Variants in HHAT observed in about 807,000 individuals in gnomAD.
The protein encoded by HHAT is hedgehog acyltransferase.
HHAT carries 47 observed loss-of-function variants against 70.8 expected under a neutral mutation model. The observed-to-expected ratio is 0.66, with a 90% confidence interval of 0.53 to 0.85. The LOEUF is 0.85. Among genes scored for constraint, HHAT ranks in the 40% least tolerant of loss-of-function variants. The pLI, the probability that HHAT is intolerant of heterozygous loss-of-function variation, is 0.00. For missense variants in HHAT, 609 were observed against 604.8 expected (o/e 1.01, Z -0.07); for synonymous variants, 228 against 247.6 (o/e 0.92, Z 0.74).
At position 210,410,652 on chromosome 1, in the gene HHAT, G is replaced by C. The variant is rs556478639; in HGVS notation, c.684+5973G>C. ...AGCGATTCTCCTGCCTCAGCCTCCC[G>C]AGTAGCTGGGATTACAGGCACCTGC... On this transcript the variant is annotated intron_variant, in intron 6 of 11. Coordinates refer to ENST00000261458, the MANE Select transcript of HHAT (RefSeq NM_018194.6). 2.2e-4 allele frequency among the ~76,000 whole-genome samples: 33 copies of C among 150,486 alleles called. No individual in the cohort carries two copies. In the East Asian group the frequency reaches 6.2e-3, roughly 28 times the overall value.
At position 210,368,093 on chromosome 1, in the gene HHAT, G is replaced by A. The variant is rs577128460; in HGVS notation, c.159+5174G>A. 1.4e-4 allele frequency among the ~76,000 whole-genome samples: 21 copies of A among 152,144 alleles called. No individual in the cohort carries two copies. In the East Asian group the frequency reaches 3.9e-3, roughly 28 times the overall value. On this transcript the variant is annotated intron_variant, in intron 3 of 11. Transcript: ENST00000261458. ...ATTTCAGTGCCCACATTGCGTGCTC[G>A]ATGAAGTAAACATGTTTCTAGACAG...
intron 11 of HHAT, chr1:210,630,902 C>A: frequency 5.3e-6 from 2 of 379,174 alleles, no homozygotes; most frequent in African/African-American, 2.1e-5. Flanking sequence ...CAGAGGAAGG[C>A]AGAGCTGCAG....
chr1:210,575,474 A>G (rs1414642896), intron 9 of HHAT, among the ~76,000 whole-genome samples: 2 of 152,118 alleles, frequency 1.3e-5, no homozygotes, highest in Admixed American at 6.5e-5. Context: ...TATGGTGTTT[A>G]TTTATAACCC....
At chr1:210,488,853 T>A (rs957983229) in intron 8 of HHAT, among the ~76,000 whole-genome samples, 2 of 152,156 alleles carry the variant, frequency 1.3e-5, no homozygotes, top group South Asian at 4.1e-4. Context: ...ACTGTGGCAC[T>A]GCACTCCAGC....
chr1:210,587,456 G>T (rs558246733), intron 9 of HHAT, among the ~76,000 whole-genome samples: 3 of 152,306 alleles, frequency 2.0e-5, no homozygotes, highest in South Asian at 4.1e-4. Context: ...CCCATGACAC[G>T]TGGGGATTAT....
At chr1:210,361,439 C>T (rs1489695230) in intron 2 of HHAT, among the ~76,000 whole-genome samples, 1 of 152,152 alleles carries the variant, frequency 6.6e-6, no homozygotes, top group African/African-American at 2.4e-5. Context: ...TGCACTGTGG[C>T]TGGGGCTCCT....
At chr1:210,498,189 T>C (rs2094687037) in intron 8 of HHAT, among the ~76,000 whole-genome samples, 1 of 152,204 alleles carries the variant, frequency 6.6e-6, no homozygotes, top group Middle Eastern at 3.2e-3. Context: ...CATTTTTTAT[T>C]CTCTTGCATG....
At chr1:210,398,808 G>T (rs1274419483) in intron 4 of HHAT, among the ~76,000 whole-genome samples, 1 of 152,114 alleles carries the variant, frequency 6.6e-6, no homozygotes, top group Non-Finnish European at 1.5e-5. Context: ...CTTATAATTG[G>T]ACTCTGCCCA....
chr1:210,557,619 C>CTT (rs1459957538), intron 9 of HHAT, among the ~76,000 whole-genome samples: 1 of 152,116 alleles, frequency 6.6e-6, no homozygotes, highest in African/African-American at 2.4e-5. Flanking sequence ...GTGAAAGGCA[C>CTT]TTCTTACATG....
intron 9 of HHAT, among the ~76,000 whole-genome samples, chr1:210,579,871 A>G (rs1241136954): frequency 2.0e-5 from 3 of 152,214 alleles, no homozygotes; most frequent in Admixed American, 6.5e-5. Context: ...GTTTTGAACT[A>G]TGAAGTTGTG....
chr1:210,582,776 G>A (rs969538851), intron 9 of HHAT, among the ~76,000 whole-genome samples: 3 of 152,192 alleles, frequency 2.0e-5, no homozygotes, highest in South Asian at 4.1e-4. Context: ...TGTTATCTCT[G>A]CTTGTGGGAC....
At chr1:210,594,965 C>CTT (rs111241822) in intron 10 of HHAT, among the ~76,000 whole-genome samples, 215 of 150,764 alleles carry the variant, frequency 1.4e-3, no homozygotes, top group Middle Eastern at 3.4e-3. Flanking sequence ...TTTTCAGATT[C>CTT]TTTTTTTTAA....
rs577080448 is a variant in HHAT, at chr1:210,569,895, C to T, written c.1044-18003C>T. 9.9e-5 allele frequency among the ~76,000 whole-genome samples: 15 copies of T among 152,226 alleles called. 1 individual carries two copies. In the South Asian group the frequency reaches 2.9e-3, roughly 29 times the overall value. On this transcript the variant is annotated intron_variant, in intron 9 of 11. Coordinates refer to ENST00000261458, the MANE Select transcript of HHAT (RefSeq NM_018194.6). ...TTAATATACCTCTAGACTGACTGCC[C>T]CAGGCAAGCACAGATGTTTCAATCC...
chr1:210,528,803 C>A lies in HHAT; in HGVS notation c.1043+15615C>A, dbSNP rs74727485. On this transcript the variant is annotated intron_variant, in intron 9 of 11. Coordinates refer to ENST00000261458, the MANE Select transcript of HHAT (RefSeq NM_018194.6). ...AAAATGTGATAGTACCATCAGGGAT[C>A]TGGAAATCGGGCATACCCTGCCGTC... 5.5e-3 allele frequency among the ~76,000 whole-genome samples: 833 copies of A among 152,238 alleles called. 4 individuals carry two copies. Among genetic ancestry groups the A allele is most frequent in the African/African-American group, 0.016 (662 of 41,512 alleles).
At chr1:210,436,661 C>G (rs1357205789) in intron 7 of HHAT, among the ~76,000 whole-genome samples, 1 of 151,734 alleles carries the variant, frequency 6.6e-6, no homozygotes, top group Non-Finnish European at 1.5e-5. Flanking sequence ...CTTCACAGGT[C>G]TAAGCCATTG....
intron 1 of HHAT, among the ~76,000 whole-genome samples, chr1:210,332,801 A>G (rs1239981255): frequency 6.6e-6 from 1 of 152,208 alleles, no homozygotes; most frequent in African/African-American, 2.4e-5. Context: ...GTTGCAATGA[A>G]CCTGTAATTT....
At chr1:210,452,632 G>A (rs1262374422) in intron 7 of HHAT, among the ~76,000 whole-genome samples, 1 of 152,206 alleles carries the variant, frequency 6.6e-6, no homozygotes, top group Non-Finnish European at 1.5e-5. Context: ...ACATGGCAGA[G>A]TGGAGCTATA....
intron 9 of HHAT, among the ~76,000 whole-genome samples, chr1:210,527,950 A>G (rs182669123): frequency 1.3e-3 from 204 of 152,272 alleles, no homozygotes; most frequent in African/African-American, 4.7e-3. Context: ...GAAGTCAATC[A>G]CTCTAAACGC....
Position 210,328,959 on chromosome 1 carries a change from C to T in HHAT, c.-189C>T. On this transcript the variant is annotated 5_prime_UTR_variant, in exon 1 of 12. Transcript: ENST00000261458. ...CGCGCTGCGCTGCTCCTCCAAAGGG[C>T]AGCTCCGGGGGAAAGAGGGTGGCGT... The T allele has an allele frequency of 7.9e-7, 1 of 1,258,740 alleles. No homozygotes were observed. The highest frequency in any genetic ancestry group is 1.0e-6 in the Non-Finnish European group (1 of 980,856). The allele number at this position is 1,258,740 out of a possible 1,614,324, so 78.0% of individuals were successfully genotyped here.
Sources: gnomAD v4.1 joint callset for allele counts (sites outside exome capture counted in the v4.1 genomes callset) on GRCh38, gnomAD v4.1.1 for gene constraint, MANE v1.5 for transcripts, NCBI Gene and HGNC (gene_info 2026-07-23, HGNC 2026-07-21) for gene names.